Variants in NUP62 observed in about 807,000 individuals in gnomAD.
The protein encoded by NUP62 is nucleoporin 62.
For missense variants in NUP62, 647 were observed against 689.4 expected (o/e 0.94, Z 0.69); for synonymous variants, 305 against 303.4 (o/e 1.01, Z -0.05).
At position 49,908,678 on chromosome 19, in the gene NUP62, C is replaced by T. The variant is rs143977055; in HGVS notation, c.1130G>A (p.Arg377His). 3.5e-5 allele frequency: 56 copies of T among 1,612,148 alleles called. 1 individual carries two copies. Among genetic ancestry groups the T allele is most frequent in the South Asian group, 8.8e-5 (8 of 91,084 alleles). The change falls in exon 3 of 3, where the codon CGC (arginine) becomes CAC (histidine). Residue 377 changes from arginine to histidine, a missense_variant. Coordinates refer to ENST00000352066, the MANE Select transcript of NUP62 (RefSeq NM_016553.5). ...ENGEKITSLH[R>H]EVEKVKLDQK... Reference sequence around the variant, plus strand: ...GTCCAGCTTCACCTTCTCCACCTCGCGGTGCAGGCTGGTGATCTTTTCTCC... The same window carrying T: ...GTCCAGCTTCACCTTCTCCACCTCGTGGTGCAGGCTGGTGATCTTTTCTCC...
In NUP62 at chr19:49,907,106, C is replaced by T. The variant is rs11083988; in HGVS notation, c.*1133G>A. On this transcript the variant is annotated 3_prime_UTR_variant, in exon 3 of 3. Transcript: ENST00000352066. ...TTCATTTAACAAATGTGACAGGGAC[C>T]GGGCTGGGGACACACGGGGAACGAC... 15,945 of 157,440 alleles carry T rather than the reference C, an allele frequency of 0.1. 1,558 individuals are homozygous for T. Among genetic ancestry groups the T allele is most frequent in the East Asian group, 0.37 (1,945 of 5,206 alleles). 9.8% of individuals were successfully genotyped at this position (157,440 alleles called of 1,614,324 possible).
At chr19:49,917,424 T>C (rs1255371626) in intron 2 of NUP62, among the ~76,000 whole-genome samples, 2 of 152,122 alleles carry the variant, frequency 1.3e-5, no homozygotes, top group Non-Finnish European at 2.9e-5. Flanking sequence ...CCCTAAACCT[T>C]GAATAACAGA....
chr19:49,922,784 G>A (rs1379075255), intron 2 of NUP62, among the ~76,000 whole-genome samples: 1 of 151,970 alleles, frequency 6.6e-6, no homozygotes, highest in Admixed American at 6.6e-5. Context: ...TGCCAGTGTT[G>A]CTGCGGCCCC....
chr19:49,916,048 C>T (rs1035985686), intron 2 of NUP62, among the ~76,000 whole-genome samples: 5 of 152,320 alleles, frequency 3.3e-5, no homozygotes, highest in South Asian at 2.1e-4. Context: ...ACTGTGTAAC[C>T]GGCACCGTGC....
chr19:49,909,619 G>A lies in NUP62; in HGVS notation c.189C>T (p.Ala63=). ...STPSTGLFSL[A]TQTPATQTTG... ...TCGTCTGTGTGGCCGGAGTCTGGGT[G>A]GCAAGTGAGAACAGGCCGGTGGAAG... Residue 63 remains alanine (A), a synonymous_variant, in exon 3 of 3, where the codon GCC becomes GCT. Transcript: ENST00000352066. 6.2e-7 allele frequency: 1 copy of A among 1,614,226 alleles called. No individual in the cohort carries two copies. Among genetic ancestry groups the A allele is most frequent in the Non-Finnish European group, 8.5e-7 (1 of 1,180,048 alleles).
At position 49,908,262 on chromosome 19, in the gene NUP62, T is replaced by C; in HGVS notation, c.1546A>G (p.Ser516Gly). Residue 516 changes from serine (S) to glycine (G), a missense_variant, in exon 3 of 3, where the codon AGC becomes GGC. By Grantham distance (56) the Ser-to-Gly change is moderately conservative (BLOSUM62 0). Coordinates refer to ENST00000352066, the MANE Select transcript of NUP62 (RefSeq NM_016553.5). ...CEGRRKEQER[S>G]FRITFD ...GCTCAGTCAAAGGTGATCCGGAAGC[T>C]GCGCTCCTGCTCCTTGCGCCGGCCC... 4 of 1,613,648 alleles carry C rather than the reference T, an allele frequency of 2.5e-6. No individual in the cohort carries two copies. The highest frequency in any genetic ancestry group is 3.4e-6 in the Non-Finnish European group (4 of 1,180,038).
chr19:49,921,482 C>T lies in NUP62; in HGVS notation c.-78+6212G>A, dbSNP rs543500413. On this transcript the variant is annotated intron_variant, in intron 2 of 2. Transcript: ENST00000352066. This position sits in a 1 kb window ranked among gnomAD's most constrained non-coding sequence, Gnocchi z 5.4. ...CTCTCAAATCCAATTCAGGATGATC[C>T]GCCCGCCCCAGCTGCAGACGATGGC... is the stretch of plus-strand genomic sequence containing the variant. 2.7e-4 allele frequency among the ~76,000 whole-genome samples: 41 copies of T among 152,294 alleles called. No individual in the cohort carries two copies. The South Asian group carries it at 3.3e-3, about 12-fold the overall frequency.
intron 2 of NUP62, among the ~76,000 whole-genome samples, chr19:49,914,476 C>T (rs1263622592): frequency 2.6e-5 from 4 of 152,150 alleles, no homozygotes; most frequent in African/African-American, 9.7e-5. Flanking sequence ...CTGGCAGAGC[C>T]GCCAGTCCCT....
chr19:49,908,779 C>T lies in NUP62; in HGVS notation c.1029G>A (p.Glu343=), dbSNP rs779988275. ...GGAAGTGCCGCTCCTGGTCCTCTAG[C>T]TCCAGGCTCCATTTGTTGATCAGGC... ...LESLINKWSL[E]LEDQERHFLQ... is the part of the protein sequence containing the mutation. Residue 343 remains glutamate, a synonymous_variant, in exon 3 of 3, where the codon GAG becomes GAA. Coordinates refer to ENST00000352066, the MANE Select transcript of NUP62 (RefSeq NM_016553.5). 8.1e-6 allele frequency: 13 copies of T among 1,613,790 alleles called. No homozygotes were observed. The highest frequency in any genetic ancestry group is 6.6e-5 in the South Asian group (6 of 91,092).
In NUP62 at chr19:49,926,261, G is replaced by C. The variant is rs938358279; in HGVS notation, c.-78+1433C>G. Reference sequence around the variant, plus strand: ...GTCTTGCTTAAGACTGGGTGTGGTGGCTCATGCCTGTAAATCCCAGCATTT... The same window carrying C: ...GTCTTGCTTAAGACTGGGTGTGGTGCCTCATGCCTGTAAATCCCAGCATTT... On this transcript the variant is annotated intron_variant, in intron 2 of 2. Transcript: ENST00000352066. Among the ~76,000 whole-genome samples the C allele has an allele frequency of 5.3e-5, 8 of 150,810 alleles. No homozygotes were observed. The Admixed American group carries it at 5.3e-4, about 10-fold the overall frequency.
intron 2 of NUP62, among the ~76,000 whole-genome samples, chr19:49,913,414 G>A (rs1040401715): frequency 5.9e-5 from 9 of 152,214 alleles, no homozygotes; most frequent in East Asian, 1.9e-4. Flanking sequence ...CCATGTTGAC[G>A]CTGTGACCTA....
chr19:49,913,540 T>C (rs187920544), intron 2 of NUP62, among the ~76,000 whole-genome samples: 10 of 152,322 alleles, frequency 6.6e-5, no homozygotes, highest in Admixed American at 6.5e-4. Context: ...GGGCCGCCAC[T>C]GCTCCGTAAG....
intron 2 of NUP62, among the ~76,000 whole-genome samples, chr19:49,924,290 C>T (rs1357986587): frequency 6.6e-6 from 1 of 152,176 alleles, no homozygotes; most frequent in Non-Finnish European, 1.5e-5. Context: ...GAGGCCCCTT[C>T]TTGGCACCGA....
chr19:49,915,189 A>T (rs950222569), intron 2 of NUP62, among the ~76,000 whole-genome samples: 1 of 152,122 alleles, frequency 6.6e-6, no homozygotes, highest in Non-Finnish European at 1.5e-5. Flanking sequence ...GCCCCCAAAC[A>T]TGCCCACACT....
At chr19:49,910,184 G>A (rs2075428246) in intron 2 of NUP62, among the ~76,000 whole-genome samples, 1 of 152,124 alleles carries the variant, frequency 6.6e-6, no homozygotes, top group Admixed American at 6.5e-5. Context: ...AGCCTGAGGA[G>A]ATCAGATTTG....
In NUP62 at chr19:49,919,547, G is replaced by A. The variant is rs565439439; in HGVS notation, c.-78+8147C>T. ...TGCTACACAGGATGGCCTCAAGGCA[G>A]TAGCTAAATGATTTGTGGATTCACT... On this transcript the variant is annotated intron_variant, in intron 2 of 2. Transcript: ENST00000352066. Among the ~76,000 whole-genome samples, 173 of 152,316 alleles carry A rather than the reference G, an allele frequency of 1.1e-3. 2 individuals carry two copies. Among genetic ancestry groups the A allele is most frequent in the Non-Finnish European group, 2.2e-3 (149 of 68,026 alleles).
At chr19:49,925,683 A>G (rs2075869885) in intron 2 of NUP62, among the ~76,000 whole-genome samples, 1 of 152,192 alleles carries the variant, frequency 6.6e-6, no homozygotes, top group African/African-American at 2.4e-5. Context: ...GAAGGAGCAG[A>G]AAGGGCATTA....
rs1217089545 is a variant in NUP62, at chr19:49,907,771, A to G, written c.*468T>C. On this transcript the variant is annotated 3_prime_UTR_variant, in exon 3 of 3. Transcript: ENST00000352066. ...GGCTGGTCTCGAACTCCTGACCTCA[A>G]GTCATCTGCCCGCCTTGGCCACCCA... is the stretch of plus-strand genomic sequence containing the variant. 30 of 332,462 alleles carry G rather than the reference A, an allele frequency of 9.0e-5. No individual in the cohort carries two copies. The highest frequency in any genetic ancestry group is 1.6e-4 in the Non-Finnish European group (28 of 172,412). 20.6% of individuals were successfully genotyped at this position (332,462 alleles called of 1,614,324 possible). A position where few individuals can be genotyped will look rare whatever the true frequency, so the allele number is the denominator to read the frequency against.
chr19:49,919,428 A>G (rs560957331), intron 2 of NUP62, among the ~76,000 whole-genome samples: 1 of 152,316 alleles, frequency 6.6e-6, no homozygotes, highest in African/African-American at 2.4e-5. Flanking sequence ...AATCGTTTTA[A>G]GCAGGCTTAT....
Sources: gnomAD v4.1 joint callset for allele counts (sites outside exome capture counted in the v4.1 genomes callset) on GRCh38, gnomAD v4.1.1 for gene constraint, Gnocchi (gnomAD v3.1) non-coding constraint, MANE v1.5 for transcripts, NCBI Gene and HGNC (gene_info 2026-07-23, HGNC 2026-07-21) for gene names.